Variants in PIGL observed in about 807,000 individuals in gnomAD.
PIGL encodes the protein N-acetylglucosaminyl-phosphatidylinositol de-N-acetylase.
In PIGL, 22 loss-of-function variants were observed where a neutral mutation model predicts 31.1. The ratio of observed to expected loss-of-function variants is 0.71; its 90% confidence interval spans 0.51 to 1.01. The LOEUF (loss-of-function observed/expected upper bound fraction) is 1.01, where lower values mean the gene tolerates loss of function less well. Among genes scored for constraint, PIGL ranks in the 50% least tolerant of loss-of-function variants. The probability of loss-of-function intolerance (pLI) is 0.00; values close to 1 mark genes in which losing one functional copy is unlikely to be tolerated. For synonymous variants in PIGL, 131 were observed against 117.4 expected (o/e 1.12, Z -0.75); for missense variants, 302 against 315.9 (o/e 0.96, Z 0.33).
At chr17:16,265,860 A>G (rs2142758636) in intron 2 of PIGL, among the ~76,000 whole-genome samples, 1 of 152,214 alleles carries the variant, frequency 6.6e-6, no homozygotes, top group Non-Finnish European at 1.5e-5. Flanking sequence ...GAAGAGCATT[A>G]TAGACCCTGT....
At chr17:16,314,329 T>C (rs528767946) in intron 4 of PIGL, among the ~76,000 whole-genome samples, 1 of 152,304 alleles carries the variant, frequency 6.6e-6, no homozygotes, top group East Asian at 1.9e-4. Flanking sequence ...TTAATAACCT[T>C]CTTCTAAACA....
intron 2 of PIGL, among the ~76,000 whole-genome samples, chr17:16,269,860 T>C (rs1195743238): frequency 1.3e-5 from 2 of 152,166 alleles, no homozygotes; most frequent in Non-Finnish European, 2.9e-5. Context: ...GTTCTGTTTT[T>C]TTTAAGAATG....
chr17:16,267,406 G>A (rs916698847), intron 2 of PIGL, among the ~76,000 whole-genome samples: 12 of 152,058 alleles, frequency 7.9e-5, no homozygotes, highest in East Asian at 3.9e-4. Context: ...ATGGGAAGGC[G>A]GGAGAGGCAG....
At chr17:16,267,268 A>G (rs1333804993) in intron 2 of PIGL, among the ~76,000 whole-genome samples, 1 of 152,158 alleles carries the variant, frequency 6.6e-6, no homozygotes, top group African/African-American at 2.4e-5. Flanking sequence ...CATGAAGTGG[A>G]AATGGATCAT....
At chr17:16,238,287 C>T (rs1330395807) in intron 2 of PIGL, among the ~76,000 whole-genome samples, 1 of 150,592 alleles carries the variant, frequency 6.6e-6, no homozygotes, top group Non-Finnish European at 1.5e-5. Context: ...ATACTCAAAA[C>T]TAATACTAAA....
chr17:16,289,920 G>A (rs541054043), intron 2 of PIGL, among the ~76,000 whole-genome samples: 28 of 152,088 alleles, frequency 1.8e-4, no homozygotes, highest in African/African-American at 6.5e-4. Context: ...GGGATTACAG[G>A]CGCCCACCAC....
chr17:16,218,677 C>CTTTTTTTT (rs34243048), intron 1 of PIGL, among the ~76,000 whole-genome samples: 1 of 127,678 alleles, frequency 7.8e-6, no homozygotes. Context: ...CCAACTTACT[C>CTTTTTTTT]TTTTTTTTTT....
chr17:16,237,775 G>A (rs966816859), intron 2 of PIGL, among the ~76,000 whole-genome samples: 5 of 137,156 alleles, frequency 3.6e-5, no homozygotes, highest in Admixed American at 7.5e-5. Flanking sequence ...ACTCCAGCCC[G>A]GATAACAGAG....
chr17:16,262,525 TTAAAAA>T (rs971309929), intron 2 of PIGL, among the ~76,000 whole-genome samples: 4 of 152,004 alleles, frequency 2.6e-5, no homozygotes, highest in Admixed American at 1.3e-4. Flanking sequence ...CCTCAAAAAC[TTAAAAA>T]TAAACACCAA....
intron 2 of PIGL, among the ~76,000 whole-genome samples, chr17:16,249,313 T>C (rs1249210004): frequency 6.6e-6 from 1 of 152,110 alleles, no homozygotes; most frequent in African/African-American, 2.4e-5. Context: ...ACCCTGTCTC[T>C]ACTAAAAATA....
At chr17:16,234,143 A>G (rs1337357570) in intron 2 of PIGL, 73 bp downstream of exon 2, 6 of 844,706 alleles carry the variant, frequency 7.1e-6, no homozygotes, top group Non-Finnish European at 1.2e-5. Flanking sequence ...AGACACACAA[A>G]AAACTAATGT....
intron 2 of PIGL, among the ~76,000 whole-genome samples, chr17:16,238,878 C>T (rs1046667259): frequency 1.4e-4 from 20 of 141,032 alleles, no homozygotes; most frequent in East Asian, 4.3e-4. Context: ...CGCTGCACTC[C>T]AGCCTGGTGC....
chr17:16,226,359 T>C (rs1012881449), intron 1 of PIGL, among the ~76,000 whole-genome samples: 46 of 152,180 alleles, frequency 3.0e-4, no homozygotes, highest in African/African-American at 9.9e-4. Flanking sequence ...CATCCACATA[T>C]GGTATATCCA....
At chr17:16,225,744 A>G (rs1399256806) in intron 1 of PIGL, among the ~76,000 whole-genome samples, 1 of 151,842 alleles carries the variant, frequency 6.6e-6, no homozygotes, top group Non-Finnish European at 1.5e-5. Flanking sequence ...TAAGGGCACT[A>G]CCTACCTCTC....
chr17:16,262,226 A>T (rs1370005798), intron 2 of PIGL, among the ~76,000 whole-genome samples: 2 of 152,160 alleles, frequency 1.3e-5, no homozygotes, highest in African/African-American at 4.8e-5. Context: ...CTGTCTCAAG[A>T]GAAAAAAGAC....
intron 3 of PIGL, among the ~76,000 whole-genome samples, chr17:16,308,877 C>A (rs1416843022): frequency 7.1e-6 from 1 of 141,786 alleles, no homozygotes. Flanking sequence ...TAACCTTGGA[C>A]CCCTGGACTC....
At chr17:16,233,895 G>A (rs1600753129) in intron 1 of PIGL, 76 bp from the exon 2 acceptor site, 4 of 743,156 alleles carry the variant, frequency 5.4e-6, no homozygotes, top group East Asian at 5.0e-5. Flanking sequence ...AACAAAAACA[G>A]GATAAGAATG....
At chr17:16,325,126 A>C (rs1334298288) in intron 6 of PIGL, among the ~76,000 whole-genome samples, 1 of 152,040 alleles carries the variant, frequency 6.6e-6, no homozygotes, top group Non-Finnish European at 1.5e-5. Flanking sequence ...TGGGCAGATC[A>C]CTAGGTCAGG....
intron 6 of PIGL, among the ~76,000 whole-genome samples, chr17:16,318,213 A>T (rs1036590544): frequency 5.9e-5 from 9 of 152,038 alleles, no homozygotes; most frequent in Admixed American, 5.9e-4. Flanking sequence ...AAGAACAATT[A>T]CCTGCAGTCC....
Sources: allele counts gnomAD v4.1 joint callset (sites outside exome capture counted in the v4.1 genomes callset), GRCh38; gene constraint gnomAD v4.1.1; transcripts MANE v1.5; gene names NCBI Gene and HGNC (gene_info 2026-07-23, HGNC 2026-07-21).